Variants in TSNAX observed in about 807,000 individuals in gnomAD.
TSNAX encodes the protein translin associated factor X.
A neutral mutation model predicts 33.0 loss-of-function variants in TSNAX; 12 were observed. That is an observed-to-expected ratio of 0.36 (90% CI 0.23 to 0.59). The LOEUF (loss-of-function observed/expected upper bound fraction) is 0.59. Among genes scored for constraint, TSNAX ranks in the 20% least tolerant of loss-of-function variants. TSNAX has a pLI of 0.74. For synonymous variants in TSNAX, 110 were observed against 117.2 expected (o/e 0.94, Z 0.40); for missense variants, 267 against 341.3 (o/e 0.78, Z 1.72).
At chr1:231,529,155 T>C in intron 1 of TSNAX, 100 bp from the exon 2 acceptor site, 1 of 1,210,536 alleles carries the variant, frequency 8.3e-7, no homozygotes, top group African/African-American at 1.5e-5. Context: ...GAGGGCCCTG[T>C]GGGTATCTGG....
At chr1:231,556,063 G>A (rs2124934007) in intron 4 of TSNAX, among the ~76,000 whole-genome samples, 1 of 152,256 alleles carries the variant, frequency 6.6e-6, no homozygotes, top group South Asian at 2.1e-4. Flanking sequence ...GAATGTTATT[G>A]AACAAAGATG....
intron 4 of TSNAX, among the ~76,000 whole-genome samples, chr1:231,545,917 A>G (rs1306255763): frequency 1.3e-5 from 2 of 152,190 alleles, no homozygotes; most frequent in Admixed American, 6.5e-5. Flanking sequence ...GTCATAAGCT[A>G]GCACGTGGTA....
At chr1:231,560,930 G>T (rs548006613) in intron 4 of TSNAX, among the ~76,000 whole-genome samples, 198 bp from the exon 5 acceptor site, 109 of 152,146 alleles carry the variant, frequency 7.2e-4, no homozygotes, top group Non-Finnish European at 9.3e-4. Flanking sequence ...AAAGTGCTGG[G>T]ATTACAGGCG....
intron 1 of TSNAX, 29 bp from the exon 2 acceptor site, chr1:231,529,226 T>A: frequency 1.2e-6 from 2 of 1,604,636 alleles, no homozygotes; most frequent in Non-Finnish European, 1.7e-6. Context: ...TGATGGAAGA[T>A]CCCTCTCTTT....
chr1:231,528,681 T>A lies in TSNAX; in HGVS notation c.-130T>A. The A allele has an allele frequency of 9.6e-7, 1 of 1,040,370 alleles. No individual in the cohort carries two copies. The highest frequency in any genetic ancestry group is 1.5e-6 in the Non-Finnish European group (1 of 683,330). 64.4% of individuals were successfully genotyped at this position (1,040,370 alleles called of 1,614,324 possible). On this transcript the variant is annotated 5_prime_UTR_variant, in exon 1 of 6. It adds an upstream start codon to the 5' untranslated region. Transcript: ENST00000366639. ...TGAGAGGAGACTTCCGGCCACTGCG[T>A]TGTAGTCGGCCCGGCTGCAAAGCGT...
intron 4 of TSNAX, among the ~76,000 whole-genome samples, chr1:231,560,408 C>G (rs1396215615): frequency 1.6e-5 from 1 of 63,006 alleles, no homozygotes; most frequent in Non-Finnish European, 3.0e-5. Context: ...TTCTTTTCTC[C>G]CCCCCCCCCC....
chr1:231,562,605 T>C (rs1405689077), intron 5 of TSNAX, among the ~76,000 whole-genome samples: 1 of 152,168 alleles, frequency 6.6e-6, no homozygotes, highest in Non-Finnish European at 1.5e-5. Context: ...AATGAAAATA[T>C]TGGGGAAAAG....
At chr1:231,530,096 C>T (rs1159604814) in intron 2 of TSNAX, among the ~76,000 whole-genome samples, 2 of 152,168 alleles carry the variant, frequency 1.3e-5, no homozygotes, top group Non-Finnish European at 2.9e-5. Context: ...CTTGGATGTC[C>T]TTTGGTGTGG....
chr1:231,539,872 C>T (rs1558123602), intron 3 of TSNAX, among the ~76,000 whole-genome samples: 1 of 152,000 alleles, frequency 6.6e-6, no homozygotes, highest in Non-Finnish European at 1.5e-5. Flanking sequence ...ATATTAGAAA[C>T]TTCAGGAAAG....
intron 4 of TSNAX, 144 bp downstream of exon 4, chr1:231,542,755 A>G (rs1659659883): frequency 1.1e-6 from 1 of 949,248 alleles, no homozygotes; most frequent in Non-Finnish European, 1.6e-6. Flanking sequence ...GTAATATAGA[A>G]GTAATCCAAA....
chr1:231,554,823 G>C lies in TSNAX; in HGVS notation c.368-6305G>C, dbSNP rs533446363. 92 of 152,300 alleles carry C rather than the reference G, an allele frequency of 6.0e-4. 1 individual carries two copies. Among genetic ancestry groups the C allele is most frequent in the African/African-American group, 1.6e-3 (68 of 41,564 alleles). 9.4% of individuals were successfully genotyped at this position (152,300 alleles called of 1,614,324 possible). On this transcript the variant is annotated intron_variant, in intron 4 of 5. Transcript: ENST00000366639. ...TGTCAAGAAGCAGGTAAGATGGGAA[G>C]GGTGTGAGCTTTTGAATTCTAGAAA...
intron 4 of TSNAX, 90 bp from the exon 5 acceptor site, chr1:231,561,038 C>A: frequency 7.6e-7 from 1 of 1,310,530 alleles, no homozygotes; most frequent in Non-Finnish European, 1.1e-6. Flanking sequence ...TTTTTTTGAA[C>A]TAGATGATGA....
intron 5 of TSNAX, among the ~76,000 whole-genome samples, 197 bp downstream of exon 5, chr1:231,561,452 T>G (rs1661108539): frequency 6.6e-6 from 1 of 152,216 alleles, no homozygotes; most frequent in Admixed American, 6.5e-5. Flanking sequence ...TCTGGGCATA[T>G]TGGGAAAGTA....
intron 4 of TSNAX, 61 bp from the exon 5 acceptor site, chr1:231,561,067 A>C (rs1429157263): frequency 5.9e-6 from 9 of 1,537,672 alleles, no homozygotes; most frequent in Non-Finnish European, 7.9e-6. Context: ...AAGTTTTTTT[A>C]TTATGACATT....
rs150995800 is a variant in TSNAX at position 231,536,497 on chromosome 1, C to T, written c.122-716C>T. On this transcript the variant is annotated intron_variant, in intron 2 of 5. Transcript: ENST00000366639. ...TCATGTTCATTTTAATATACACGTG[C>T]TACCTTACTACAATTGACAGATTTT... 3.3e-5 allele frequency: 5 copies of T among 152,336 alleles called. No homozygotes were observed. The South Asian group carries it at 6.2e-4, about 19-fold the overall frequency. The allele number at this position is 152,336 out of a possible 1,614,324, so 9.4% of individuals were successfully genotyped here.
At chr1:231,533,391 G>A (rs1328100075) in intron 2 of TSNAX, among the ~76,000 whole-genome samples, 12 of 152,236 alleles carry the variant, frequency 7.9e-5, no homozygotes, top group African/African-American at 1.9e-4. Flanking sequence ...GTGAGCCATC[G>A]CGCCCGGCCC....
At chr1:231,564,154 T>TG (rs895206443) in intron 5 of TSNAX, among the ~76,000 whole-genome samples, 2 of 152,172 alleles carry the variant, frequency 1.3e-5, no homozygotes, top group African/African-American at 4.8e-5. Flanking sequence ...ATCACAAACT[T>TG]GGAGGGCTGT....
At chr1:231,541,413 T>C (rs1262340960) in intron 3 of TSNAX, among the ~76,000 whole-genome samples, 2 of 152,234 alleles carry the variant, frequency 1.3e-5, no homozygotes, top group Non-Finnish European at 2.9e-5. Flanking sequence ...CACAGTACCA[T>C]GCAAAGTAAG....
chr1:231,529,774 A>G (rs1253571483), intron 2 of TSNAX, among the ~76,000 whole-genome samples: 2 of 152,354 alleles, frequency 1.3e-5, no homozygotes, highest in African/African-American at 2.4e-5. Context: ...GCTTGTATCT[A>G]TTAGTGAATC....
Sources: gnomAD v4.1 joint callset for allele counts (sites outside exome capture counted in the v4.1 genomes callset) on GRCh38, gnomAD v4.1.1 for gene constraint, MANE v1.5 for transcripts, NCBI Gene and HGNC (gene_info 2026-07-23, HGNC 2026-07-21) for gene names.